The following ABL1 variants were observed in gnomAD, a reference collection of about 807,000 sequenced individuals.
ABL1 encodes tyrosine-protein kinase ABL1.
ABL1 carries 11 observed loss-of-function variants against 94.7 expected under a neutral mutation model. The ratio of observed to expected loss-of-function variants is 0.12; its 90% confidence interval spans 0.07 to 0.19. The LOEUF (loss-of-function observed/expected upper bound fraction) is 0.19, where lower values mean the gene tolerates loss of function less well. ABL1 is among the 10% of genes least tolerant of loss of function. The pLI, the probability that ABL1 is intolerant of heterozygous loss-of-function variation, is 1.00. For missense variants in ABL1, 1,082 were observed against 1,489.4 expected, an observed-to-expected ratio of 0.73 and a Z score of 4.50; for synonymous variants, 656 against 622.4, an observed-to-expected ratio of 1.05 and a Z score of -0.80.
intron 1 of ABL1, among the ~76,000 whole-genome samples, chr9:130,722,322 G>A (rs1201292632): frequency 2.0e-5 from 3 of 152,136 alleles, no homozygotes; most frequent in South Asian, 4.1e-4. Context: ...GAACCTGGGA[G>A]GCAGAGATTG....
At chr9:130,749,994 C>A (rs2132725306) in intron 1 of ABL1, among the ~76,000 whole-genome samples, 1 of 151,048 alleles carries the variant, frequency 6.6e-6, no homozygotes, top group East Asian at 2.0e-4. Flanking sequence ...GGCAACATGG[C>A]AAGACTCCAT....
upstream of ABL1, chr9:130,834,819 T>C (rs943055642): frequency 1.3e-5 from 6 of 451,432 alleles, no homozygotes; most frequent in African/African-American, 1.2e-4. Flanking sequence ...GCGCGTTGAG[T>C]AGAAATGAGA....
chr9:130,789,382 T>G (rs747194847), intron 1 of ABL1, among the ~76,000 whole-genome samples: 12 of 152,198 alleles, frequency 7.9e-5, no homozygotes, highest in Non-Finnish European at 1.5e-4. Flanking sequence ...TGACCTCCAA[T>G]AGCTGCAAGT....
chr9:130,735,565 C>T (rs758775505), intron 1 of ABL1, among the ~76,000 whole-genome samples: 1 of 151,554 alleles, frequency 6.6e-6, no homozygotes, highest in African/African-American at 2.4e-5. Context: ...CAGTATATAC[C>T]GTTCTGTACC....
chr9:130,824,133 GT>G (rs1830397880), intron 1 of ABL1, among the ~76,000 whole-genome samples: 1 of 152,168 alleles, frequency 6.6e-6, no homozygotes, highest in Admixed American at 6.5e-5. Context: ...TGATTATAAG[GT>G]ATTGGCTCAT....
chr9:130,730,998 CTTTTTTTTTTTT>C (rs11300328), intron 1 of ABL1, among the ~76,000 whole-genome samples: 1,211 of 64,542 alleles, frequency 0.019, 21 homozygotes, highest in Admixed American at 0.039. Context: ...CTCTATCTCT[CTTTTTTTTTTTT>C]TTTTTTTTTT....
chr9:130,881,616 C>T (rs1441134579), intron 10 of ABL1, among the ~76,000 whole-genome samples: 2 of 152,136 alleles, frequency 1.3e-5, no homozygotes, highest in South Asian at 2.1e-4. Context: ...CTGACCCCAC[C>T]GTTGACACGT....
In ABL1 at chr9:130,835,590, C is replaced by G; in HGVS notation, c.79+65C>G. 7.0e-7 allele frequency: 1 copy of G among 1,430,938 alleles called. No homozygotes were observed. Among genetic ancestry groups the G allele is most frequent in the Non-Finnish European group, 9.6e-7 (1 of 1,044,232 alleles). The allele number at this position is 1,430,938 out of a possible 1,614,324, so 88.6% of individuals were successfully genotyped here. ...GCCCTCCCGCTGCTGCTGGGCCCTT[C>G]CTAGGCCTCGCCGCCCGCGCGCTCC... On this transcript the variant is annotated intron_variant, in intron 1 of 10. Coordinates refer to ENST00000318560, the MANE Select transcript of ABL1 (RefSeq NM_005157.6). This position sits in a 1 kb window ranked among gnomAD's most constrained non-coding sequence, Gnocchi z 4.6.
chr9:130,881,567 A>G (rs1831454473), intron 10 of ABL1, among the ~76,000 whole-genome samples: 1 of 152,128 alleles, frequency 6.6e-6, no homozygotes, highest in Non-Finnish European at 1.5e-5. Flanking sequence ...CTACCACGAG[A>G]ATGTGGGAGA....
chr9:130,867,645 G>C (rs1311537944), intron 4 of ABL1, among the ~76,000 whole-genome samples: 1 of 152,234 alleles, frequency 6.6e-6, no homozygotes, highest in Admixed American at 6.5e-5. Context: ...CCCAGGAAAT[G>C]GGTGTTAGTT....
In ABL1 at chr9:130,880,726, G is replaced by T. The variant is rs1057200223; in HGVS notation, c.1678+62G>T. On this transcript the variant is annotated intron_variant, in intron 10 of 10. Transcript: ENST00000318560. This position sits in a 1 kb window ranked among gnomAD's most constrained non-coding sequence, Gnocchi z 4.4. ...CCTTCCCTGCCAGAGGCTACATTCA[G>T]GCCATCATAGGCCAACGGGAAGCTG... The T allele has an allele frequency of 2.9e-5, 46 of 1,561,844 alleles. No individual in the cohort carries two copies. The highest frequency in any genetic ancestry group is 4.0e-5 in the Non-Finnish European group (46 of 1,153,742).
intron 1 of ABL1, among the ~76,000 whole-genome samples, chr9:130,776,626 G>T (rs1832315195): frequency 6.6e-6 from 1 of 152,052 alleles, no homozygotes. Context: ...TGAGGTCTTT[G>T]GGGGCTGCCT....
chr9:130,819,831 G>A (rs549128763), intron 1 of ABL1, among the ~76,000 whole-genome samples: 2 of 151,494 alleles, frequency 1.3e-5, no homozygotes, highest in Admixed American at 1.3e-4. Flanking sequence ...GTGAGCCACC[G>A]CGCCCAGCTG....
At chr9:130,764,738 A>T (rs1832158624) in intron 1 of ABL1, among the ~76,000 whole-genome samples, 1 of 152,174 alleles carries the variant, frequency 6.6e-6, no homozygotes, top group Non-Finnish European at 1.5e-5. Context: ...CAGGTGGATC[A>T]CGAGGTCAGG....
chr9:130,787,419 C>T (rs1452800576), intron 1 of ABL1, among the ~76,000 whole-genome samples: 2 of 152,096 alleles, frequency 1.3e-5, no homozygotes, highest in African/African-American at 4.8e-5. Flanking sequence ...CCCCCAACCC[C>T]ACCCGAAGCT....
At chr9:130,791,364 T>C (rs187008794) in intron 1 of ABL1, among the ~76,000 whole-genome samples, 110 of 152,232 alleles carry the variant, frequency 7.2e-4, no homozygotes, top group Non-Finnish European at 1.2e-3. Context: ...ACAAAAAGAA[T>C]TTACTGCTGA....
intron 1 of ABL1, among the ~76,000 whole-genome samples, chr9:130,853,280 A>G (rs1273526585): frequency 1.3e-5 from 2 of 148,816 alleles, no homozygotes; most frequent in African/African-American, 2.5e-5. Flanking sequence ...GGTTCAAGCA[A>G]TTCTCCTGCC....
chr9:130,830,116 AAATT>A (rs1383508433), intron 1 of ABL1, among the ~76,000 whole-genome samples: 7 of 152,354 alleles, frequency 4.6e-5, no homozygotes, highest in Admixed American at 3.9e-4. Flanking sequence ...TTAAAAAGAA[AAATT>A]AATTTAAAAA....
intron 1 of ABL1, among the ~76,000 whole-genome samples, chr9:130,838,597 T>G (rs1158067536): frequency 6.6e-6 from 1 of 152,214 alleles, no homozygotes; most frequent in Non-Finnish European, 1.5e-5. Context: ...ATGTGAATTT[T>G]GCTCTCCAGC....
Sources: gnomAD v4.1 joint callset for allele counts (sites outside exome capture counted in the v4.1 genomes callset) on GRCh38, gnomAD v4.1.1 for gene constraint, Gnocchi (gnomAD v3.1) non-coding constraint, MANE v1.5 for transcripts, NCBI Gene and HGNC (gene_info 2026-07-23, HGNC 2026-07-21) for gene names.